The following TANC1 variants were observed in gnomAD, a reference collection of about 807,000 sequenced individuals.
The protein encoded by TANC1 is protein TANC1.
A neutral mutation model predicts 149.7 loss-of-function variants in TANC1; 77 were observed. The observed-to-expected ratio is 0.51, with a 90% CI of 0.43 to 0.62. The LOEUF (loss-of-function observed/expected upper bound fraction) is 0.62, where lower values mean the gene tolerates loss of function less well. TANC1 is among the 20% of genes least tolerant of loss of function. The pLI, the probability that TANC1 is intolerant of heterozygous loss-of-function variation, is 0.00. For synonymous variants in TANC1, 854 were observed against 925.0 expected (o/e 0.92, Z 1.39); for missense variants, 1,985 against 2,321.8 (o/e 0.85, Z 2.98).
intron 7 of TANC1, among the ~76,000 whole-genome samples, chr2:159,161,388 C>T (rs967061744): frequency 6.6e-6 from 1 of 152,204 alleles, no homozygotes; most frequent in African/African-American, 2.4e-5. Context: ...GTGAACCTAA[C>T]TTATTACAAT....
intron 5 of TANC1, among the ~76,000 whole-genome samples, chr2:159,136,807 A>AC (rs59283767): frequency 1.4e-5 from 2 of 144,058 alleles, no homozygotes; most frequent in Non-Finnish European, 3.1e-5. Context: ...AAAAAAAAAA[A>AC]CCAAATTGAT....
chr2:159,172,974 C>A (rs900413099), intron 11 of TANC1, among the ~76,000 whole-genome samples: 1 of 152,142 alleles, frequency 6.6e-6, no homozygotes, highest in Non-Finnish European at 1.5e-5. Flanking sequence ...CCGAATCTTG[C>A]CCTGCACCAG....
At chr2:159,011,133 A>G (rs569303578) in intron 2 of TANC1, among the ~76,000 whole-genome samples, 63 of 152,312 alleles carry the variant, frequency 4.1e-4, no homozygotes, top group Admixed American at 2.6e-3. Flanking sequence ...AGTGAGTAAC[A>G]GGGACAAGTT....
In TANC1 at chr2:159,228,667, G is replaced by A. The variant is rs1410199137; in HGVS notation, c.4051-129G>A. The stretch of plus-strand genomic sequence containing the variant: ...CTCACTTTAAAACAAGATAGAAAAC[G>A]GAACTTTCCCTTCCTCCCTCTCTGG... On this transcript the variant is annotated intron_variant, in intron 25 of 26. Coordinates refer to ENST00000263635, the MANE Select transcript of TANC1 (RefSeq NM_033394.3). 12 of 676,090 alleles carry A rather than the reference G, an allele frequency of 1.8e-5. No individual in the cohort carries two copies. The East Asian group carries it at 2.3e-4, about 13-fold the overall frequency. The allele number at this position is 676,090 out of a possible 1,614,324, so 41.9% of individuals were successfully genotyped here.
At position 159,230,204 on chromosome 2, in the gene TANC1, G is replaced by A; in HGVS notation, c.4778G>A (p.Gly1593Asp). Residue 1593 changes from glycine (G) to aspartate (D), a missense_variant, in exon 27 of 27, where the codon GGT becomes GAT. Transcript: ENST00000263635. This position sits in a 1 kb window ranked among gnomAD's most constrained non-coding sequence, Gnocchi z 4.4. ...EGTGTFTTRA[G>D]CGHFGDRLGP... is the part of the protein sequence containing the mutation. ...ACAGGTACTTTCACTACAAGAGCTG[G>A]TTGTGGCCACTTTGGGGATCGGCTG... 1 of 1,614,030 alleles carries A rather than the reference G, an allele frequency of 6.2e-7. No individual in the cohort carries two copies. The highest frequency in any genetic ancestry group is 1.6e-4 in the Middle Eastern group (1 of 6,062).
chr2:159,065,457 A>C (rs2042577803), intron 2 of TANC1, among the ~76,000 whole-genome samples: 1 of 152,228 alleles, frequency 6.6e-6, no homozygotes, highest in South Asian at 2.1e-4. Context: ...TTATATAATT[A>C]GTAACACCTG....
intron 4 of TANC1, among the ~76,000 whole-genome samples, chr2:159,121,020 AG>A (rs2048795915): frequency 6.6e-6 from 1 of 152,308 alleles, no homozygotes; most frequent in South Asian, 2.1e-4. Flanking sequence ...CAAATACCAT[AG>A]GTTCCAGGGA....
In TANC1 at chr2:159,187,032, A is replaced by G. The variant is rs2057030610; in HGVS notation, c.2742+8A>G. ...TATACTCCCAACGTGAAGGTGAGCAACCTTCTGCACAGAGAGCCGGAGACC... is the reference window on the plus strand; with the variant it reads ...TATACTCCCAACGTGAAGGTGAGCAGCCTTCTGCACAGAGAGCCGGAGACC... On this transcript the variant is annotated splice_region_variant and intron_variant, in intron 16 of 26. Transcript: ENST00000263635. The G allele has an allele frequency of 6.2e-7, 1 of 1,613,886 alleles. No homozygotes were observed. The highest frequency in any genetic ancestry group is 1.3e-5 in the African/African-American group (1 of 75,040).
chr2:159,026,989 G>A (rs150266177), intron 2 of TANC1: 23 of 152,000 alleles, frequency 1.5e-4, no homozygotes, highest in African/African-American at 5.3e-4. Context: ...CCTACCCACA[G>A]CCTTGGTTTC....
intron 4 of TANC1, among the ~76,000 whole-genome samples, chr2:159,132,115 C>T (rs962058977): frequency 1.3e-5 from 2 of 152,300 alleles, no homozygotes; most frequent in Middle Eastern, 3.4e-3. Flanking sequence ...GAATTCCTTC[C>T]TGCTTTGTCA....
At chr2:159,094,551 G>A (rs1365680787) in intron 3 of TANC1, among the ~76,000 whole-genome samples, 3 of 152,180 alleles carry the variant, frequency 2.0e-5, no homozygotes, top group African/African-American at 7.2e-5. Flanking sequence ...TGGCATCATG[G>A]TGCAGCCTAG....
intron 16 of TANC1, among the ~76,000 whole-genome samples, chr2:159,189,669 C>T (rs1016434522): frequency 6.6e-5 from 10 of 152,010 alleles, no homozygotes; most frequent in African/African-American, 2.4e-4. Context: ...TGATACTTTC[C>T]AAAATCACAC....
intron 1 of TANC1, 129 bp downstream of exon 1, chr2:158,968,911 G>C (rs2032365896): frequency 1.3e-5 from 2 of 152,936 alleles, no homozygotes; most frequent in Admixed American, 6.5e-5. Flanking sequence ...AGGCGTGTGG[G>C]AAAGTTTCTG....
chr2:159,137,096 A>G (rs1461758281), intron 5 of TANC1, among the ~76,000 whole-genome samples: 3 of 152,168 alleles, frequency 2.0e-5, no homozygotes, highest in African/African-American at 4.8e-5. Context: ...CTCAGTGTGG[A>G]CAAAAGTTTA....
At chr2:159,224,137 A>G in intron 22 of TANC1, 95 bp from the exon 23 acceptor site, 2 of 1,443,342 alleles carry the variant, frequency 1.4e-6, no homozygotes, top group Non-Finnish European at 9.5e-7. Context: ...AGGCATCTAA[A>G]ATCAGAGTGA....
chr2:159,191,696 C>G (rs1483079044), intron 16 of TANC1, among the ~76,000 whole-genome samples: 2 of 152,190 alleles, frequency 1.3e-5, no homozygotes, highest in Admixed American at 6.5e-5. Flanking sequence ...GGTTTCACTA[C>G]TTGGTAGTAT....
At chr2:159,007,416 G>A (rs1307523740) in intron 2 of TANC1, among the ~76,000 whole-genome samples, 1 of 152,178 alleles carries the variant, frequency 6.6e-6, no homozygotes, top group Non-Finnish European at 1.5e-5. Context: ...AAAGTGCTGG[G>A]ATTGCAGGCA....
intron 16 of TANC1, among the ~76,000 whole-genome samples, chr2:159,192,838 G>A (rs1031061060): frequency 1.3e-5 from 2 of 152,088 alleles, no homozygotes; most frequent in Non-Finnish European, 2.9e-5. Context: ...TAGTAGACAC[G>A]GGGTTTTCAC....
At chr2:159,123,346 A>G (rs1022402832) in intron 4 of TANC1, among the ~76,000 whole-genome samples, 1 of 152,068 alleles carries the variant, frequency 6.6e-6, no homozygotes, top group Admixed American at 6.5e-5. Context: ...ACTGTGGAGG[A>G]TGGAAAGAGA....
Sources: allele counts gnomAD v4.1 joint callset (sites outside exome capture counted in the v4.1 genomes callset), GRCh38; gene constraint gnomAD v4.1.1; non-coding constraint Gnocchi (gnomAD v3.1); transcripts MANE v1.5; gene names NCBI Gene and HGNC (gene_info 2026-07-23, HGNC 2026-07-21).